Variants in KCND3 observed in about 807,000 individuals in gnomAD.
KCND3 encodes the protein A-type voltage-gated potassium channel KCND3.
KCND3 carries 9 observed loss-of-function variants against 51.1 expected under a neutral mutation model. The ratio of observed to expected loss-of-function variants is 0.18; its 90% confidence interval spans 0.11 to 0.31. KCND3 has a LOEUF of 0.31. Ranked by LOEUF, KCND3 falls within the 10% of genes least tolerant of loss-of-function variation. The pLI, the probability that KCND3 is intolerant of heterozygous loss-of-function variation, is 1.00. For synonymous variants in KCND3, 349 were observed against 368.0 expected (o/e 0.95, Z 0.59); for missense variants, 526 against 903.8 (o/e 0.58, Z 5.36).
At chr1:111,925,027 A>T (rs1360842051) in intron 2 of KCND3, among the ~76,000 whole-genome samples, 1 of 152,102 alleles carries the variant, frequency 6.6e-6, no homozygotes. Context: ...CTAGCACTAA[A>T]AGTTTGGGTG....
Position 111,876,453 on chromosome 1 carries a change from C to T in KCND3, c.1107-89347G>A, listed in dbSNP as rs571329568. Among the ~76,000 whole-genome samples the T allele has an allele frequency of 5.9e-5, 9 of 152,288 alleles. No homozygotes were observed. The South Asian group carries it at 1.0e-3, about 18-fold the overall frequency. On this transcript the variant is annotated intron_variant, in intron 2 of 7. Transcript: ENST00000302127. The stretch of plus-strand genomic sequence containing the variant: ...GCTAATTCACCTCCGAGGCCCTCTT[C>T]GGATCAATTTTAATTCCCACAATGC...
chr1:111,859,658 T>C (rs1329499427), intron 2 of KCND3, among the ~76,000 whole-genome samples: 1 of 152,178 alleles, frequency 6.6e-6, no homozygotes, highest in Non-Finnish European at 1.5e-5. Context: ...ACCCTACATC[T>C]TGCATGCTAC....
intron 2 of KCND3, among the ~76,000 whole-genome samples, chr1:111,977,084 C>T (rs1468170173): frequency 6.6e-6 from 1 of 152,228 alleles, no homozygotes; most frequent in African/African-American, 2.4e-5. Context: ...CAATAGGTGT[C>T]CTAAGATCCA....
chr1:111,834,894 T>G (rs1667002207), intron 2 of KCND3, among the ~76,000 whole-genome samples: 1 of 152,160 alleles, frequency 6.6e-6, no homozygotes, highest in African/African-American at 2.4e-5. Flanking sequence ...CATGCTTCAG[T>G]CTGTCAATAT....
chr1:111,873,513 T>C (rs1668917547), intron 2 of KCND3, among the ~76,000 whole-genome samples: 1 of 152,126 alleles, frequency 6.6e-6, no homozygotes, highest in Non-Finnish European at 1.5e-5. Flanking sequence ...GAAGTCTAGC[T>C]TAGGAACTCT....
chr1:111,983,829 A>C (rs1675111701), intron 1 of KCND3, among the ~76,000 whole-genome samples: 1 of 152,174 alleles, frequency 6.6e-6, no homozygotes, highest in African/African-American at 2.4e-5. Context: ...CTGCATAAGC[A>C]CTTCCCCATT....
At chr1:111,910,988 C>G (rs1214163524) in intron 2 of KCND3, 1 of 152,198 alleles carries the variant, frequency 6.6e-6, no homozygotes, top group Non-Finnish European at 1.5e-5. Context: ...ACCTATGGTT[C>G]TGGATGAGGG....
intron 2 of KCND3, among the ~76,000 whole-genome samples, chr1:111,956,835 C>T (rs866747088): frequency 9.1e-4 from 138 of 152,332 alleles, no homozygotes; most frequent in African/African-American, 3.2e-3. Context: ...CTCCCTACAG[C>T]ACCTGGACAC....
intron 2 of KCND3, among the ~76,000 whole-genome samples, chr1:111,951,157 CAAAAAAAAAAAAA>C (rs71081206): frequency 6.5e-5 from 2 of 30,638 alleles, no homozygotes; most frequent in Non-Finnish European, 8.0e-5. Flanking sequence ...CAAACAAGAG[CAAAAAAAAAAAAA>C]AAAAAAAAAA....
intron 2 of KCND3, among the ~76,000 whole-genome samples, chr1:111,919,101 CA>C: frequency 6.6e-6 from 1 of 151,582 alleles, no homozygotes; most frequent in South Asian, 2.1e-4. Flanking sequence ...ATTCATTCAG[CA>C]AAAATGTCTT....
At chr1:111,927,753 G>A (rs956779809) in intron 2 of KCND3, among the ~76,000 whole-genome samples, 3 of 152,324 alleles carry the variant, frequency 2.0e-5, no homozygotes, top group Admixed American at 1.3e-4. Context: ...TGCCCTAGGG[G>A]ACAAGCACTC....
At chr1:111,790,283 T>G (rs1369576189) in intron 2 of KCND3, among the ~76,000 whole-genome samples, 1 of 152,156 alleles carries the variant, frequency 6.6e-6, no homozygotes, top group Middle Eastern at 3.2e-3. Context: ...ATCCCCAGGG[T>G]TGTTGCGATA....
rs541284529 is a variant in KCND3, at chr1:111,781,532, AT to A, written c.1270-742del. Among the ~76,000 whole-genome samples, 155 of 152,032 alleles carry A rather than the reference AT, an allele frequency of 1.0e-3. 5 individuals carry two copies. In the South Asian group the frequency reaches 0.032, roughly 31 times the overall value. On this transcript the variant is annotated intron_variant, in intron 3 of 7. Transcript: ENST00000302127. ...ATTCATGCATGTATATGGTTTTTTT[AT>A]TTTTTTGAGACGGAGTCTCGCTGTC... is the stretch of plus-strand genomic sequence containing the variant.
At chr1:111,896,187 G>A (rs922513926) in intron 2 of KCND3, among the ~76,000 whole-genome samples, 1 of 152,114 alleles carries the variant, frequency 6.6e-6, no homozygotes, top group African/African-American at 2.4e-5. Flanking sequence ...GTGAATACGC[G>A]TCAGAGCAAA....
At chr1:111,902,003 T>C (rs1670406385) in intron 2 of KCND3, among the ~76,000 whole-genome samples, 1 of 152,130 alleles carries the variant, frequency 6.6e-6, no homozygotes, top group South Asian at 2.1e-4. Context: ...CTGAGTAAGA[T>C]CCCACGTGCT....
chr1:111,890,914 A>G, intron 2 of KCND3, among the ~76,000 whole-genome samples: 1 of 152,186 alleles, frequency 6.6e-6, no homozygotes, highest in Non-Finnish European at 1.5e-5. Context: ...ATTTAGCAAC[A>G]TGGAGGTCAC....
chr1:111,789,189 A>G (rs2101503247), intron 2 of KCND3, among the ~76,000 whole-genome samples: 1 of 152,326 alleles, frequency 6.6e-6, no homozygotes, highest in African/African-American at 2.4e-5. Context: ...TGCTAAGGAC[A>G]ACAGAAAGAT....
chr1:111,914,614 GGCC>G (rs2101822915), intron 2 of KCND3, among the ~76,000 whole-genome samples: 1 of 152,214 alleles, frequency 6.6e-6, no homozygotes, highest in Admixed American at 6.5e-5. Flanking sequence ...AGACAACAAT[GGCC>G]TTAAGTACTG....
intron 2 of KCND3, among the ~76,000 whole-genome samples, chr1:111,854,574 G>A (rs571530237): frequency 3.2e-4 from 48 of 152,336 alleles, no homozygotes; most frequent in African/African-American, 1.0e-3. Flanking sequence ...GGCGTCGGGT[G>A]AGACACTGAC....
Sources: gnomAD v4.1 joint callset for allele counts (sites outside exome capture counted in the v4.1 genomes callset) on GRCh38, gnomAD v4.1.1 for gene constraint, MANE v1.5 for transcripts, NCBI Gene and HGNC (gene_info 2026-07-23, HGNC 2026-07-21) for gene names.